Variants in HMCN1 observed in about 807,000 individuals in gnomAD.
HMCN1 encodes the protein hemicentin 1.
In HMCN1, 321 loss-of-function variants were observed where a neutral mutation model predicts 625.9. The ratio of observed to expected loss-of-function variants is 0.51; its 90% CI spans 0.47 to 0.56. The LOEUF (loss-of-function observed/expected upper bound fraction) is 0.56. Among genes scored for constraint, HMCN1 ranks in the 20% least tolerant of loss-of-function variants. The pLI is 0.00. For missense variants in HMCN1, 6,588 were observed against 6,887.3 expected (o/e 0.96, Z 1.54); for synonymous variants, 2,425 against 2,417.6 (o/e 1.00, Z -0.09).
At chr1:185,827,140 C>A (rs1308649065) in intron 1 of HMCN1, among the ~76,000 whole-genome samples, 2 of 146,706 alleles carry the variant, frequency 1.4e-5, no homozygotes, top group Non-Finnish European at 3.0e-5. Flanking sequence ...CCACTGCACT[C>A]CAGCCTGGGC....
intron 86 of HMCN1, among the ~76,000 whole-genome samples, chr1:186,133,644 C>G (rs775947067): frequency 6.6e-6 from 1 of 152,062 alleles, no homozygotes; most frequent in Non-Finnish European, 1.5e-5. Flanking sequence ...GAGAGATGCT[C>G]TAGATTAGTT....
intron 98 of HMCN1, among the ~76,000 whole-genome samples, chr1:186,165,617 A>C (rs552289736): frequency 3.3e-5 from 5 of 152,306 alleles, no homozygotes; most frequent in African/African-American, 1.2e-4. Context: ...TTATCCCACC[A>C]AAGTACCAGC....
rs760707981 is a variant in HMCN1 at position 186,113,966 on chromosome 1, A to G, written c.11132-13A>G. 6.8e-6 allele frequency: 11 copies of G among 1,613,836 alleles called. No homozygotes were observed. Among genetic ancestry groups the G allele is most frequent in the Middle Eastern group, 3.3e-4 (2 of 6,084 alleles). ...AGTCTCACTGAATTTTTTCATGTGT[A>G]TCTCTTGTTCAGTTCCTCCAAACAT... On this transcript the variant is annotated splice_polypyrimidine_tract_variant and intron_variant, in intron 72 of 106. Transcript: ENST00000271588.
chr1:186,145,311 CT>C (rs5779272), intron 91 of HMCN1, 91 bp from the exon 92 acceptor site: 349,339 of 1,307,684 alleles, frequency 0.27, 61,235 homozygotes, highest in African/African-American at 0.76. Context: ...TGAGAAGAGA[CT>C]TTTTTTTTAA....
Position 186,005,891 on chromosome 1 carries a change from T to C in HMCN1, c.4476-1237T>C, listed in dbSNP as rs571228104. Among the ~76,000 whole-genome samples, 7 of 152,260 alleles carry C rather than the reference T, an allele frequency of 4.6e-5. No individual in the cohort carries two copies. The East Asian group carries it at 1.4e-3, about 29-fold the overall frequency. ...TGGCTCACGCCTGTAATCCCAGCAC[T>C]TTGGGAGGCCAAGGCAAGCGGATCA... On this transcript the variant is annotated intron_variant, in intron 29 of 106. Transcript: ENST00000271588.
chr1:185,768,883 CA>C (rs1284447557), intron 1 of HMCN1, among the ~76,000 whole-genome samples: 1 of 152,084 alleles, frequency 6.6e-6, no homozygotes, highest in Non-Finnish European at 1.5e-5. Flanking sequence ...TGACCTTGAA[CA>C]AAATATTTAA....
intron 105 of HMCN1, 60 bp from the exon 106 acceptor site, chr1:186,187,823 C>G (rs1012759831): frequency 6.8e-6 from 11 of 1,608,176 alleles, no homozygotes; most frequent in Non-Finnish European, 9.4e-6. Flanking sequence ...ACAGTGCCTG[C>G]TCTGATGGCC....
chr1:185,764,846 C>T (rs190967349), intron 1 of HMCN1, among the ~76,000 whole-genome samples: 34 of 152,268 alleles, frequency 2.2e-4, no homozygotes, highest in Middle Eastern at 3.4e-3. Flanking sequence ...AGATCAACAA[C>T]ATGTAATATT....
At chr1:186,183,593 T>C (rs910807746) in intron 105 of HMCN1, among the ~76,000 whole-genome samples, 2 of 152,204 alleles carry the variant, frequency 1.3e-5, no homozygotes, top group African/African-American at 4.8e-5. Context: ...TTCACTTTAA[T>C]CAGCAGTATA....
At chr1:185,827,256 G>A (rs1660584001) in intron 1 of HMCN1, among the ~76,000 whole-genome samples, 1 of 151,016 alleles carries the variant, frequency 6.6e-6, no homozygotes, top group East Asian at 1.9e-4. Context: ...GAAAATAATA[G>A]CTAAACAAAA....
At chr1:186,144,386 A>G (rs1650152563) in intron 90 of HMCN1, 43 bp downstream of exon 90, 2 of 1,604,706 alleles carry the variant, frequency 1.2e-6, no homozygotes, top group South Asian at 2.2e-5. Flanking sequence ...ATTAACATCT[A>G]CCTATCTTAT....
In HMCN1 at chr1:185,846,028, A is replaced by G. The variant is rs1661791963; in HGVS notation, c.271A>G (p.Ile91Val). ...CTATGTTATTTTTATCTTCACAGAA[A>G]TTGGCCCAGTGACAATTACCACAGA... ...FALVPFHDPE[I>V]GPVTITTDPK... Residue 91 changes from isoleucine (I) to valine (V), a missense_variant and splice_region_variant, in exon 2 of 107, where the codon ATT becomes GTT. Physicochemically the swap from Ile to Val is conservative, Grantham distance 29. Coordinates refer to ENST00000271588, the MANE Select transcript of HMCN1 (RefSeq NM_031935.3). 5 of 1,601,360 alleles carry G rather than the reference A, an allele frequency of 3.1e-6. No individual in the cohort carries two copies. In the Admixed American group the frequency reaches 6.7e-5, roughly 21 times the overall value.
In HMCN1 at chr1:186,152,671, GGTAT is replaced by G. The variant is rs1341237960; in HGVS notation, c.14897-75_14897-72del. 1.2e-4 allele frequency: 183 copies of G among 1,558,442 alleles called. No individual in the cohort carries two copies. The East Asian group carries it at 4.1e-3, about 35-fold the overall frequency. On this transcript the variant is annotated intron_variant, in intron 95 of 106. Coordinates refer to ENST00000271588, the MANE Select transcript of HMCN1 (RefSeq NM_031935.3). The stretch of plus-strand genomic sequence containing the variant: ...TGAACTCAAAAAGCATAGCTGAACT[GGTAT>G]GTAAGGTAAATCTGCTCTGTGCTTA...
chr1:185,873,698 G>A (rs1467871376), intron 4 of HMCN1, among the ~76,000 whole-genome samples: 3 of 151,958 alleles, frequency 2.0e-5, no homozygotes, highest in Non-Finnish European at 4.4e-5. Flanking sequence ...ACAGAAAATA[G>A]AAAAATGCAA....
At chr1:185,851,390 T>C (rs183041541) in intron 2 of HMCN1, among the ~76,000 whole-genome samples, 1 of 152,276 alleles carries the variant, frequency 6.6e-6, no homozygotes, top group Admixed American at 6.5e-5. Flanking sequence ...CTATTTTTCT[T>C]CTAGAGATAT....
At chr1:186,111,252 A>T (rs61831303) in intron 71 of HMCN1, among the ~76,000 whole-genome samples, 16 of 152,000 alleles carry the variant, frequency 1.1e-4, no homozygotes, top group Non-Finnish European at 1.9e-4. Context: ...AAGTGCTGGG[A>T]TTACAGGCGT....
At chr1:185,887,218 T>G (rs1664715310) in intron 4 of HMCN1, among the ~76,000 whole-genome samples, 1 of 152,160 alleles carries the variant, frequency 6.6e-6, no homozygotes, top group Non-Finnish European at 1.5e-5. Context: ...TCAGAAAATA[T>G]GTTATGACAC....
At chr1:186,172,680 G>A (rs1171986106) in intron 102 of HMCN1, among the ~76,000 whole-genome samples, 2 of 152,116 alleles carry the variant, frequency 1.3e-5, no homozygotes, top group African/African-American at 4.8e-5. Context: ...GTACCAGCCT[G>A]GTTAGCAGAG....
At chr1:186,066,746 A>G (rs1202154959) in intron 49 of HMCN1, among the ~76,000 whole-genome samples, 4 of 152,028 alleles carry the variant, frequency 2.6e-5, no homozygotes, top group Admixed American at 6.6e-5. Context: ...TTATCCTCAC[A>G]TATCTTTGTT....
Sources: gnomAD v4.1 joint callset for allele counts (sites outside exome capture counted in the v4.1 genomes callset) on GRCh38, gnomAD v4.1.1 for gene constraint, MANE v1.5 for transcripts, NCBI Gene and HGNC (gene_info 2026-07-23, HGNC 2026-07-21) for gene names.